The following ROBO2 variants were observed in gnomAD, a reference collection of about 807,000 sequenced individuals.
ROBO2 encodes roundabout homolog 2.
Under a neutral mutation model 160.8 loss-of-function variants are expected in ROBO2, and 53 were observed. The observed-to-expected ratio is 0.33, with a 90% CI of 0.26 to 0.41. ROBO2 has a LOEUF of 0.41. Ranked by LOEUF, ROBO2 falls within the 10% of genes least tolerant of loss-of-function variation. The pLI is 1.00. For missense variants in ROBO2, 1,577 were observed against 1,722.4 expected (o/e 0.92, Z 1.49); for synonymous variants, 664 against 611.7 (o/e 1.09, Z -1.26).
chr3:76,059,247 C>T (rs959452050), intron 2 of ROBO2, among the ~76,000 whole-genome samples: 62 of 151,498 alleles, frequency 4.1e-4, no homozygotes, highest in Non-Finnish European at 4.4e-5. Flanking sequence ...AATGGTTGAA[C>T]TAGTTTACAG....
intron 2 of ROBO2, among the ~76,000 whole-genome samples, chr3:76,377,773 G>A (rs1332200354): frequency 2.6e-5 from 4 of 152,038 alleles, no homozygotes; most frequent in African/African-American, 7.2e-5. Flanking sequence ...AGTAGAAAGG[G>A]TACTAGCTTG....
At chr3:76,429,329 T>C (rs1454411274) in intron 2 of ROBO2, among the ~76,000 whole-genome samples, 1 of 152,140 alleles carries the variant, frequency 6.6e-6, no homozygotes, top group Non-Finnish European at 1.5e-5. Context: ...ACAAAAGGAA[T>C]AGCTGTGTTC....
At chr3:77,560,980 A>G (rs2093303814) in intron 9 of ROBO2, among the ~76,000 whole-genome samples, 1 of 152,140 alleles carries the variant, frequency 6.6e-6, no homozygotes, top group Non-Finnish European at 1.5e-5. Flanking sequence ...TAATGACTAT[A>G]ATGTGTGCAC....
intron 2 of ROBO2, among the ~76,000 whole-genome samples, chr3:75,950,544 T>G (rs1292120917): frequency 6.6e-6 from 1 of 152,060 alleles, no homozygotes; most frequent in African/African-American, 2.4e-5. Context: ...TAGAAGAGGA[T>G]GTGTGTAGAT....
intron 2 of ROBO2, among the ~76,000 whole-genome samples, chr3:76,919,156 C>A (rs1425493183): frequency 1.3e-5 from 2 of 151,868 alleles, no homozygotes; most frequent in Middle Eastern, 3.2e-3. Flanking sequence ...GTGTAACAAA[C>A]CTGCACATTC....
At chr3:76,031,758 G>A (rs962537663) in intron 2 of ROBO2, among the ~76,000 whole-genome samples, 9 of 151,950 alleles carry the variant, frequency 5.9e-5, no homozygotes, top group Admixed American at 4.6e-4. Flanking sequence ...TGCTGTATTT[G>A]GTTTGCCAGT....
chr3:77,319,152 A>C (rs1195651850), intron 2 of ROBO2, among the ~76,000 whole-genome samples: 1 of 152,176 alleles, frequency 6.6e-6, no homozygotes, highest in East Asian at 1.9e-4. Flanking sequence ...TAAGTCCATT[A>C]TGAGTTTAAT....
intron 2 of ROBO2, among the ~76,000 whole-genome samples, chr3:76,857,388 C>A (rs1358165273): frequency 6.6e-6 from 1 of 151,972 alleles, no homozygotes; most frequent in Non-Finnish European, 1.5e-5. Flanking sequence ...TTTTAATTAC[C>A]TATAAATAAC....
At chr3:77,057,151 G>A (rs957749177) in intron 1 of ROBO2, among the ~76,000 whole-genome samples, 3 of 152,174 alleles carry the variant, frequency 2.0e-5, no homozygotes, top group African/African-American at 7.2e-5. Context: ...ATGAGTTCAT[G>A]TCCTTTGTAG....
intron 2 of ROBO2, among the ~76,000 whole-genome samples, chr3:76,015,121 G>A (rs1292859140): frequency 1.3e-5 from 2 of 152,066 alleles, no homozygotes; most frequent in Non-Finnish European, 2.9e-5. Flanking sequence ...TATTAGATAA[G>A]TATAAGAATC....
chr3:76,215,658 T>C (rs1703468301), intron 2 of ROBO2, among the ~76,000 whole-genome samples: 1 of 152,148 alleles, frequency 6.6e-6, no homozygotes, highest in South Asian at 2.1e-4. Flanking sequence ...TATGGGACTA[T>C]GTGAAAAGAC....
At chr3:77,410,498 CTCCTCT>C (rs1175407321) in intron 2 of ROBO2, among the ~76,000 whole-genome samples, 3 of 134,828 alleles carry the variant, frequency 2.2e-5, no homozygotes, top group African/African-American at 5.0e-5. Context: ...TTTCCTCCTC[CTCCTCT>C]TCCTCCTCTT....
At chr3:77,033,558 G>C (rs1335715243) in intron 2 of ROBO2, among the ~76,000 whole-genome samples, 2 of 152,062 alleles carry the variant, frequency 1.3e-5, no homozygotes, top group Non-Finnish European at 2.9e-5. Flanking sequence ...ACCTAAGCCA[G>C]TTATAGAGGC....
intron 2 of ROBO2, among the ~76,000 whole-genome samples, chr3:77,302,384 ATTC>A (rs140478049): frequency 0.14 from 20,569 of 152,120 alleles, 1,525 homozygotes; most frequent in Admixed American, 0.23. Context: ...CAAGTTTAGT[ATTC>A]TTCTGACTGA....
intron 1 of ROBO2, among the ~76,000 whole-genome samples, chr3:75,932,407 A>C (rs1223018624): frequency 6.6e-6 from 1 of 152,204 alleles, no homozygotes; most frequent in African/African-American, 2.4e-5. Context: ...GTTTATCTAT[A>C]ATTTTTAAGT....
chr3:75,907,342 G>A (rs1946390927), intron 1 of ROBO2, among the ~76,000 whole-genome samples: 1 of 152,130 alleles, frequency 6.6e-6, no homozygotes, highest in Non-Finnish European at 1.5e-5. Context: ...TTGGGAAGGC[G>A]TGGAAGCAGA....
chr3:77,145,099 C>T (rs2077018570), intron 2 of ROBO2, among the ~76,000 whole-genome samples: 1 of 151,976 alleles, frequency 6.6e-6, no homozygotes, highest in Non-Finnish European at 1.5e-5. Context: ...AGTTAATTGG[C>T]TTTATACCTG....
chr3:77,237,457 G>A (rs2088237889), intron 2 of ROBO2, among the ~76,000 whole-genome samples: 1 of 146,530 alleles, frequency 6.8e-6, no homozygotes, highest in African/African-American at 2.6e-5. Context: ...TGGTGATAAG[G>A]TCTCACTATC....
At chr3:77,017,360 A>G (rs1388276896) in intron 2 of ROBO2, among the ~76,000 whole-genome samples, 1 of 152,222 alleles carries the variant, frequency 6.6e-6, no homozygotes, top group African/African-American at 2.4e-5. Flanking sequence ...AGATAAGGGA[A>G]GTAACATTGA....
Sources: gnomAD v4.1 joint callset for allele counts (sites outside exome capture counted in the v4.1 genomes callset) on GRCh38, gnomAD v4.1.1 for gene constraint, MANE v1.5 for transcripts, NCBI Gene and HGNC (gene_info 2026-07-23, HGNC 2026-07-21) for gene names.